Variants in AXL observed in about 807,000 individuals in gnomAD.
The protein encoded by AXL is AXL receptor tyrosine kinase.
A neutral mutation model predicts 104.5 loss-of-function variants in AXL; 52 were observed. The ratio of observed to expected loss-of-function variants is 0.50; its 90% CI spans 0.40 to 0.63. The LOEUF is 0.63. AXL is among the 20% of genes least tolerant of loss of function. The pLI is 0.00. For synonymous variants in AXL, 455 were observed against 473.7 expected, an observed-to-expected ratio of 0.96 and a Z score of 0.51; for missense variants, 1,024 against 1,188.5, an observed-to-expected ratio of 0.86 and a Z score of 2.04.
At chr19:41,225,066 C>T (rs1016108239) in intron 4 of AXL, among the ~76,000 whole-genome samples, 5 of 152,174 alleles carry the variant, frequency 3.3e-5, no homozygotes, top group Non-Finnish European at 5.9e-5. Flanking sequence ...TGCAGTGGCA[C>T]GATCTTGGCT....
At chr19:41,240,430 G>A (rs1210303018) in intron 10 of AXL, among the ~76,000 whole-genome samples, 1 of 151,852 alleles carries the variant, frequency 6.6e-6, no homozygotes, top group Non-Finnish European at 1.5e-5. Flanking sequence ...ATGGATGGAT[G>A]GACAGATGGA....
chr19:41,253,312 A>G (rs1225287476), intron 16 of AXL, among the ~76,000 whole-genome samples: 1 of 152,140 alleles, frequency 6.6e-6, no homozygotes, highest in African/African-American at 2.4e-5. Flanking sequence ...CAGAGCGCAC[A>G]GCATAGGCAA....
Position 41,252,422 on chromosome 19 carries a change from C to T in AXL, c.1783C>T (p.Pro595Ser), listed in dbSNP as rs1206177372. ...EAVCMKEFDHPNVMRLIGVCF... is the reference protein window; with the variant it reads ...EAVCMKEFDHSNVMRLIGVCF... ...GGTCTGCATGAAGGAATTTGACCAT[C>T]CCAACGTCATGAGGCTCATCGGTGA... is the stretch of plus-strand genomic sequence containing the variant. Residue 595 changes from proline to serine, a missense_variant, in exon 15 of 20, where the codon CCC (proline) becomes TCC (serine). By Grantham distance (74) the Pro-to-Ser change is moderately conservative. This residue lies in a region of AXL where 523 missense variants were observed against 636.0 expected (regional missense o/e 0.82). Transcript: ENST00000301178. 6.2e-7 allele frequency: 1 copy of T among 1,613,996 alleles called. No individual in the cohort carries two copies. Among genetic ancestry groups the T allele is most frequent in the Non-Finnish European group, 8.5e-7 (1 of 1,179,968 alleles).
chr19:41,219,666 A>C (rs925496586), intron 1 of AXL, among the ~76,000 whole-genome samples, 189 bp downstream of exon 1: 1 of 150,470 alleles, frequency 6.6e-6, no homozygotes, highest in African/African-American at 2.5e-5. Context: ...AGGGAGAGAA[A>C]GACTGAGAGA....
chr19:41,219,514 C>T (rs373052453), intron 1 of AXL, 37 bp downstream of exon 1: 10 of 946,654 alleles, frequency 1.1e-5, no homozygotes, highest in African/African-American at 4.2e-5. Context: ...GGGATCCCCT[C>T]GGAGGGGCTG....
intron 6 of AXL, among the ~76,000 whole-genome samples, chr19:41,236,911 G>A (rs1286393326): frequency 6.6e-6 from 1 of 151,870 alleles, no homozygotes; most frequent in African/African-American, 2.4e-5. Flanking sequence ...ACATAAGTTC[G>A]TAAACTTTCT....
At position 41,247,325 on chromosome 19, in the gene AXL, C is replaced by A. The variant is rs184611349; in HGVS notation, c.1538-1189C>A. On this transcript the variant is annotated intron_variant, in intron 12 of 19. Coordinates refer to ENST00000301178, the MANE Select transcript of AXL (RefSeq NM_021913.5). ...GGTCGGGAGTTCCAGACCAGCCTGA[C>A]CAACATGGAGAAACCCCGTCTCTAC... Among the ~76,000 whole-genome samples, 622 of 152,212 alleles carry A rather than the reference C, an allele frequency of 4.1e-3. 3 individuals carry two copies. Among genetic ancestry groups the A allele is most frequent in the African/African-American group, 0.014 (588 of 41,546 alleles).
At chr19:41,233,564 A>G (rs1165918232) in intron 6 of AXL, among the ~76,000 whole-genome samples, 2 of 151,204 alleles carry the variant, frequency 1.3e-5, no homozygotes, top group Non-Finnish European at 3.0e-5. Flanking sequence ...CTGGCAGTCA[A>G]GGCTACAGTG....
At chr19:41,226,222 C>T (rs1284152011) in intron 4 of AXL, among the ~76,000 whole-genome samples, 1 of 152,100 alleles carries the variant, frequency 6.6e-6, no homozygotes, top group Non-Finnish European at 1.5e-5. Flanking sequence ...ATGCTGCGGT[C>T]GGAACGGGAC....
chr19:41,224,356 T>C (rs548678031), intron 4 of AXL, among the ~76,000 whole-genome samples: 2 of 152,042 alleles, frequency 1.3e-5, no homozygotes, highest in African/African-American at 2.4e-5. Context: ...ATAACTTGTG[T>C]TTCTTACCAC....
At chr19:41,238,865 C>A (rs1005130575) in intron 8 of AXL, among the ~76,000 whole-genome samples, 2 of 152,018 alleles carry the variant, frequency 1.3e-5, no homozygotes, top group East Asian at 3.9e-4. Context: ...GATTTTACAG[C>A]AGATAGTTAT....
intron 19 of AXL, among the ~76,000 whole-genome samples, chr19:41,258,066 G>A (rs567963436): frequency 2.6e-5 from 4 of 152,324 alleles, no homozygotes; most frequent in African/African-American, 9.6e-5. Flanking sequence ...CCAGACTCAG[G>A]TCTCCTCTGA....
chr19:41,253,730 C>A (rs397833091), intron 17 of AXL, 22 bp downstream of exon 17: 332 of 1,473,518 alleles, frequency 2.3e-4, no homozygotes, highest in South Asian at 1.4e-3. Flanking sequence ...TCAGGGACCC[C>A]CCCCCCCCAA....
chr19:41,230,900 C>T (rs532741792), intron 4 of AXL, 67 bp from the exon 5 acceptor site: 24 of 1,531,316 alleles, frequency 1.6e-5, no homozygotes, highest in Admixed American at 5.0e-5. Flanking sequence ...AGGAGTGGCC[C>T]GGCATGGCCC....
At chr19:41,240,929 C>T (rs565686457) in intron 10 of AXL, among the ~76,000 whole-genome samples, 27 of 152,232 alleles carry the variant, frequency 1.8e-4, no homozygotes, top group African/African-American at 6.5e-4. Context: ...TCTGCACACT[C>T]ACCCTGAACC....
rs150645492 is a variant in AXL, at chr19:41,243,422, A to G, written c.1446-194A>G. Among the ~76,000 whole-genome samples, 562 of 152,218 alleles carry G rather than the reference A, an allele frequency of 3.7e-3. 3 individuals are homozygous for G. Among genetic ancestry groups the G allele is most frequent in the African/African-American group, 0.013 (543 of 41,540 alleles). On this transcript the variant is annotated intron_variant, in intron 11 of 19. Transcript: ENST00000301178. ...GTGACAGAGTGAGATCCTGTTTTCA[A>G]AAAAAAGAATGAGGGCAAGGGGGTG...
chr19:41,248,693 C>T (rs941132988), intron 13 of AXL, 50 bp from the exon 14 acceptor site: 1 of 1,612,162 alleles, frequency 6.2e-7, no homozygotes, highest in Non-Finnish European at 8.5e-7. Flanking sequence ...ATAGGAAATA[C>T]AGTCCCCACG....
At chr19:41,222,089 G>A in intron 4 of AXL, 33 bp downstream of exon 4, 1 of 1,489,336 alleles carries the variant, frequency 6.7e-7, no homozygotes, top group Non-Finnish European at 8.9e-7. Flanking sequence ...GCTCCGAATA[G>A]GGGGCCGGGC....
In AXL at chr19:41,219,477, G is replaced by T; in HGVS notation, c.85G>T (p.Gly29Cys). 1 of 1,602,306 alleles carries T rather than the reference G, an allele frequency of 6.2e-7. No individual in the cohort carries two copies. Among genetic ancestry groups the T allele is most frequent in the Non-Finnish European group, 8.5e-7 (1 of 1,174,882 alleles). The part of the protein sequence containing the change: ...LCGWACMAPR[G>C]TQAEESPFVG... The stretch of plus-strand genomic sequence containing the variant: ...CGGCTGGGCGTGCATGGCCCCCAGG[G>T]GTGAGTGATGGGGGCTCCTTGGGGC... The change falls in exon 1 of 20, where the codon GGC becomes TGC. Residue 29 changes from glycine (G) to cysteine (C), a missense_variant and splice_region_variant. Transcript: ENST00000301178.
Sources: allele counts gnomAD v4.1 joint callset (sites outside exome capture counted in the v4.1 genomes callset), GRCh38; gene constraint gnomAD v4.1.1; regional missense constraint gnomAD v4.1.1; transcripts MANE v1.5; gene names NCBI Gene and HGNC (gene_info 2026-07-23, HGNC 2026-07-21).